The following ADARB2 variants were observed in gnomAD, a reference collection of about 807,000 sequenced individuals.
ADARB2 encodes the protein inactive double-stranded RNA-specific editase B2.
Under a neutral mutation model 62.2 loss-of-function variants are expected in ADARB2, and 25 were observed. The observed-to-expected ratio is 0.40, with a 90% confidence interval of 0.29 to 0.56. The LOEUF (loss-of-function observed/expected upper bound fraction) is 0.56. Among genes scored for constraint, ADARB2 ranks in the 20% least tolerant of loss-of-function variants. ADARB2 has a pLI of 0.43. For synonymous variants in ADARB2, 572 were observed against 500.8 expected (o/e 1.14, Z -1.90); for missense variants, 1,071 against 1,077.4 (o/e 0.99, Z 0.08).
At chr10:1,205,934 C>A (rs12776339) in intron 7 of ADARB2, among the ~76,000 whole-genome samples, 7 of 111,430 alleles carry the variant, frequency 6.3e-5, no homozygotes, top group Non-Finnish European at 1.1e-4. Context: ...GGGCAGCCCG[C>A]TGGGGTCAGG....
chr10:1,363,208 G>C lies in ADARB2; in HGVS notation c.897C>G (p.Ala299=). 6.8e-7 allele frequency: 1 copy of C among 1,471,434 alleles called. No individual in the cohort carries two copies. Among genetic ancestry groups the C allele is most frequent in the Non-Finnish European group, 9.0e-7 (1 of 1,113,514 alleles). The allele number at this position is 1,471,434 out of a possible 1,614,324, so 91.1% of individuals were successfully genotyped here. ...TCACGAAGCTCCGCGCGCGCCGCTC[G>C]GCCGGTTCTGCCAGACACACGTAGC... ...GLRYVCLAEP[A]ERRARSFVMA... Residue 299 remains alanine (A), a synonymous_variant, in exon 3 of 10, where the codon GCC becomes GCG. Coordinates refer to ENST00000381312, the MANE Select transcript of ADARB2 (RefSeq NM_018702.4).
At chr10:1,556,752 G>A (rs368214581) in intron 1 of ADARB2, 33 of 534,338 alleles carry the variant, frequency 6.2e-5, no homozygotes, top group African/African-American at 3.9e-4. Flanking sequence ...GGAGCCAGCC[G>A]GCCCCCAGGA....
At chr10:1,717,497 T>C (rs77630183) in intron 1 of ADARB2, among the ~76,000 whole-genome samples, 19,545 of 151,640 alleles carry the variant, frequency 0.13, 1,594 homozygotes, top group Non-Finnish European at 0.18. Flanking sequence ...TTCCTTCCTT[T>C]CCTTTCTTTC....
chr10:1,527,034 G>T (rs928602596), intron 1 of ADARB2: 4 of 236,910 alleles, frequency 1.7e-5, no homozygotes, highest in African/African-American at 6.9e-5. Flanking sequence ...GGAAGCTTCC[G>T]CATTTGGGGA....
At chr10:1,508,283 C>T (rs138098758) in intron 1 of ADARB2, among the ~76,000 whole-genome samples, 9 of 152,260 alleles carry the variant, frequency 5.9e-5, no homozygotes, top group Non-Finnish European at 1.3e-4. Flanking sequence ...CAGTGCTGTC[C>T]CCGCAGCTGG....
At chr10:1,593,233 C>T (rs1164011651) in intron 1 of ADARB2, among the ~76,000 whole-genome samples, 3 of 141,024 alleles carry the variant, frequency 2.1e-5, no homozygotes, top group African/African-American at 5.4e-5. Flanking sequence ...TAGGTCTCCT[C>T]TCTGGCATGG....
At position 1,688,192 on chromosome 10, in the gene ADARB2, C is replaced by CA. The variant is rs763297149; in HGVS notation, c.100+48858dup. On this transcript the variant is annotated intron_variant, in intron 1 of 9. Coordinates refer to ENST00000381312, the MANE Select transcript of ADARB2 (RefSeq NM_018702.4). Reference sequence around the variant, plus strand: ...AGTGGGGACCTGGGGGGTTGAGTCCCAGTGAAGCCTGTGGGCTCTTCTGAC... The same window carrying CA: ...AGTGGGGACCTGGGGGGTTGAGTCCCAAGTGAAGCCTGTGGGCTCTTCTGAC... 4.6e-5 allele frequency among the ~76,000 whole-genome samples: 7 copies of CA among 152,344 alleles called. No homozygotes were observed. In the East Asian group the frequency reaches 1.2e-3, roughly 25 times the overall value.
At chr10:1,265,091 G>T (rs555022975) in intron 4 of ADARB2, among the ~76,000 whole-genome samples, 2 of 152,294 alleles carry the variant, frequency 1.3e-5, no homozygotes. Flanking sequence ...CCTGGAACTG[G>T]GAAGGATAAA....
Position 1,178,034 on chromosome 10 carries a change from T to G in ADARB2, c.*5159A>C, listed in dbSNP as rs965866234. 2 of 152,172 alleles carry G rather than the reference T, an allele frequency of 1.3e-5. No homozygotes were observed. Among genetic ancestry groups the G allele is most frequent in the African/African-American group, 4.8e-5 (2 of 41,430 alleles). The allele number at this position is 152,172 out of a possible 1,614,324, so 9.4% of individuals were successfully genotyped here. ...TTCCTTCTGGTGGGAGGTCAGAACA[T>G]GTGGACACATTCAGGAGAGTCCAAA... On this transcript the variant is annotated 3_prime_UTR_variant, in exon 10 of 10. Transcript: ENST00000381312.
At chr10:1,538,638 G>T (rs531909632) in intron 1 of ADARB2, among the ~76,000 whole-genome samples, 1 of 152,334 alleles carries the variant, frequency 6.6e-6, no homozygotes, top group South Asian at 2.1e-4. Context: ...GACGGGGAGC[G>T]TTCTGCCCAT....
At chr10:1,232,511 A>ATGTGTGCTGTG (rs147827086) in intron 6 of ADARB2, among the ~76,000 whole-genome samples, 1 of 148,500 alleles carries the variant, frequency 6.7e-6, no homozygotes, top group Non-Finnish European at 1.5e-5. Flanking sequence ...TGTATGTGGT[A>ATGTGTGCTGTG]TGTGCTGTGT....
intron 1 of ADARB2, among the ~76,000 whole-genome samples, chr10:1,468,250 A>G (rs1831277128): frequency 6.6e-6 from 1 of 152,112 alleles, no homozygotes; most frequent in East Asian, 1.9e-4. Flanking sequence ...CCATGGAAGG[A>G]TTCTTTGGGA....
intron 1 of ADARB2, among the ~76,000 whole-genome samples, chr10:1,723,450 G>T (rs186691896): frequency 6.6e-6 from 1 of 152,172 alleles, no homozygotes. Flanking sequence ...TCACCATCTC[G>T]CTTTCTTCGG....
Position 1,363,330 on chromosome 10 carries a change from G to T in ADARB2, c.775C>A (p.Arg259Ser). 1 of 1,239,342 alleles carries T rather than the reference G, an allele frequency of 8.1e-7. No individual in the cohort carries two copies. Among genetic ancestry groups the T allele is most frequent in the Non-Finnish European group, 1.0e-6 (1 of 991,670 alleles). The allele number at this position is 1,239,342 out of a possible 1,614,324, so 76.8% of individuals were successfully genotyped here. A position where few individuals can be genotyped will look rare whatever the true frequency, so the allele number is the denominator to read the frequency against. Residue 259 changes from arginine (R) to serine (S), a missense_variant, in exon 3 of 10, where the codon CGC becomes AGC. Transcript: ENST00000381312. ...GTCGGGCCCACCAGGTCCAGCGCGC[G>T]GCACAGCAGCCGCCGTCGCCCGTAG... ...AAYGRRRLLC[R>S]ALDLVGPTPA...
chr10:1,451,807 G>A (rs1389087753), intron 1 of ADARB2, among the ~76,000 whole-genome samples: 3 of 146,230 alleles, frequency 2.1e-5, no homozygotes, highest in African/African-American at 5.3e-5. Flanking sequence ...TGCAGAGGAA[G>A]GGAGCCCCCA....
In ADARB2 at chr10:1,363,415, C is replaced by G; in HGVS notation, c.690G>C (p.Pro230=). The change falls in exon 3 of 10, where the codon CCG becomes CCC. Residue 230 remains proline (P), a synonymous_variant. Transcript: ENST00000381312. ...PDTLFQEFEP[P]APRPGLAGGR... Reference sequence around the variant, plus strand: ...CTCCCGCGAGTCCGGGGCGCGGCGCCGGGGGCTCGAACTCCTGGAAGAGCG... The same window carrying G: ...CTCCCGCGAGTCCGGGGCGCGGCGCGGGGGGCTCGAACTCCTGGAAGAGCG... The G allele has an allele frequency of 7.3e-7, 1 of 1,368,648 alleles. No individual in the cohort carries two copies. Among genetic ancestry groups the G allele is most frequent in the South Asian group, 1.8e-5 (1 of 55,746 alleles). The allele number at this position is 1,368,648 out of a possible 1,614,324, so 84.8% of individuals were successfully genotyped here.
At chr10:1,728,659 A>G (rs1835195561) in intron 1 of ADARB2, among the ~76,000 whole-genome samples, 1 of 152,250 alleles carries the variant, frequency 6.6e-6, no homozygotes, top group African/African-American at 2.4e-5. Context: ...GTGATTACAT[A>G]AAATTATATG....
intron 1 of ADARB2, among the ~76,000 whole-genome samples, chr10:1,454,277 T>C (rs908568424): frequency 3.9e-5 from 6 of 152,192 alleles, no homozygotes; most frequent in African/African-American, 1.4e-4. Context: ...GTTGCTCCTA[T>C]GACACTGGGA....
Position 1,298,331 on chromosome 10 carries a change from G to A in ADARB2, c.1078-27262C>T, listed in dbSNP as rs964103369. On this transcript the variant is annotated intron_variant, in intron 3 of 9. Transcript: ENST00000381312. The stretch of plus-strand genomic sequence containing the variant: ...TATGTTTTTATGTTTTTTTGCCAAG[G>A]AAGGTTTTTTGGAGTGGCTGGACTT... 5.3e-5 allele frequency among the ~76,000 whole-genome samples: 8 copies of A among 152,320 alleles called. No homozygotes were observed. The South Asian group carries it at 6.2e-4, about 12-fold the overall frequency.
Sources: allele counts gnomAD v4.1 joint callset (sites outside exome capture counted in the v4.1 genomes callset), GRCh38; gene constraint gnomAD v4.1.1; transcripts MANE v1.5; gene names NCBI Gene and HGNC (gene_info 2026-07-23, HGNC 2026-07-21).